Variants in NRXN1 observed in about 807,000 individuals in gnomAD.
NRXN1 encodes neurexin-1.
In NRXN1, 39 loss-of-function variants were observed where a neutral mutation model predicts 150.9. The ratio of observed to expected loss-of-function variants is 0.26; its 90% confidence interval spans 0.20 to 0.34. NRXN1 has a LOEUF of 0.34. Ranked by LOEUF, NRXN1 falls within the 10% of genes least tolerant of loss-of-function variation. The pLI is 1.00. For synonymous variants in NRXN1, 924 were observed against 757.0 expected (o/e 1.22, Z -3.62); for missense variants, 1,815 against 1,949.9 (o/e 0.93, Z 1.30).
chr2:50,012,321 T>G (rs1172109905), intron 21 of NRXN1, among the ~76,000 whole-genome samples: 1 of 152,150 alleles, frequency 6.6e-6, no homozygotes, highest in Non-Finnish European at 1.5e-5. Context: ...CTTGTATGTC[T>G]TTTTAAATCT....
intron 12 of NRXN1, among the ~76,000 whole-genome samples, chr2:50,523,321 A>G (rs574304055): frequency 2.4e-4 from 36 of 152,312 alleles, no homozygotes; most frequent in African/African-American, 7.0e-4. Context: ...GCAGGTGGAT[A>G]GCACCAGTCA....
intron 8 of NRXN1, among the ~76,000 whole-genome samples, chr2:50,586,599 T>A (rs1002687305): frequency 1.3e-5 from 2 of 152,062 alleles, no homozygotes; most frequent in African/African-American, 4.8e-5. Context: ...AAAAGTATTC[T>A]CCCCACAAAA....
At chr2:50,578,707 A>G (rs1400585263) in intron 8 of NRXN1, among the ~76,000 whole-genome samples, 1 of 152,168 alleles carries the variant, frequency 6.6e-6, no homozygotes, top group Non-Finnish European at 1.5e-5. Flanking sequence ...TGTATGTTAT[A>G]ATAAATTAAA....
chr2:50,145,590 G>C (rs1707891058), intron 18 of NRXN1, among the ~76,000 whole-genome samples: 1 of 151,644 alleles, frequency 6.6e-6, no homozygotes, highest in African/African-American at 2.4e-5. Flanking sequence ...TGCTTTTTTA[G>C]GGGAGAAGAA....
At chr2:49,999,988 A>G (rs901536781) in intron 21 of NRXN1, among the ~76,000 whole-genome samples, 1 of 152,198 alleles carries the variant, frequency 6.6e-6, no homozygotes, top group Non-Finnish European at 1.5e-5. Context: ...CAAAAGGTAT[A>G]TTAAATAGAA....
chr2:49,990,053 C>T (rs1404956250), intron 21 of NRXN1, among the ~76,000 whole-genome samples: 1 of 151,352 alleles, frequency 6.6e-6, no homozygotes, highest in Non-Finnish European at 1.5e-5. Context: ...TCCCAGACAA[C>T]AGGGGCTACT....
At chr2:50,101,276 T>C (rs778094728) in intron 18 of NRXN1, among the ~76,000 whole-genome samples, 2 of 152,050 alleles carry the variant, frequency 1.3e-5, no homozygotes, top group Admixed American at 6.6e-5. Context: ...TGAATCCTTG[T>C]CTTTGGACCA....
intron 21 of NRXN1, among the ~76,000 whole-genome samples, chr2:50,039,136 CACTGT>C (rs1252409832): frequency 6.6e-6 from 1 of 152,020 alleles, no homozygotes; most frequent in Non-Finnish European, 1.5e-5. Flanking sequence ...GAGATTGCCC[CACTGT>C]ACTCCAGCCT....
At chr2:50,183,951 C>T (rs371317080) in intron 18 of NRXN1, among the ~76,000 whole-genome samples, 2 of 151,708 alleles carry the variant, frequency 1.3e-5, no homozygotes, top group East Asian at 1.9e-4. Context: ...CTCCTTAGCT[C>T]GAAATTATAG....
At chr2:50,088,132 G>A (rs1035400047) in intron 19 of NRXN1, among the ~76,000 whole-genome samples, 3 of 152,038 alleles carry the variant, frequency 2.0e-5, no homozygotes, top group Non-Finnish European at 2.9e-5. Context: ...ACCACAAACT[G>A]ACATAAAATA....
chr2:50,012,839 T>C (rs1685937496), intron 21 of NRXN1, among the ~76,000 whole-genome samples: 1 of 152,102 alleles, frequency 6.6e-6, no homozygotes, highest in African/African-American at 2.4e-5. Context: ...TTGAGTATTG[T>C]TTTGTATTAT....
chr2:50,218,103 C>A (rs959639646), intron 18 of NRXN1, among the ~76,000 whole-genome samples: 1 of 152,038 alleles, frequency 6.6e-6, no homozygotes, highest in Non-Finnish European at 1.5e-5. Flanking sequence ...TTCTTATATG[C>A]TACTATTATA....
At chr2:50,534,889 T>C (rs906260019) in intron 10 of NRXN1, among the ~76,000 whole-genome samples, 2 of 152,126 alleles carry the variant, frequency 1.3e-5, no homozygotes, top group African/African-American at 4.8e-5. Context: ...CAATGGATCA[T>C]AAATATAGTG....
At chr2:50,892,867 G>A (rs1262101236) in intron 5 of NRXN1, among the ~76,000 whole-genome samples, 1 of 152,116 alleles carries the variant, frequency 6.6e-6, no homozygotes, top group Admixed American at 6.5e-5. Flanking sequence ...TTTAAGGAGT[G>A]CAGTTAATTG....
chr2:50,908,929 G>A (rs1002779985), intron 5 of NRXN1, among the ~76,000 whole-genome samples: 2 of 151,964 alleles, frequency 1.3e-5, no homozygotes, highest in African/African-American at 4.8e-5. Flanking sequence ...CTAGTGCCAT[G>A]CTCTTCGACT....
intron 17 of NRXN1, among the ~76,000 whole-genome samples, chr2:50,272,977 T>C (rs1009657533): frequency 2.0e-4 from 31 of 152,074 alleles, no homozygotes; most frequent in African/African-American, 7.5e-4. Context: ...CAAGTCTGCA[T>C]AGGAAGTTCA....
intron 5 of NRXN1, among the ~76,000 whole-genome samples, chr2:50,795,066 G>A (rs1318214473): frequency 6.6e-6 from 1 of 152,038 alleles, no homozygotes; most frequent in Non-Finnish European, 1.5e-5. Context: ...AAGGAATTTT[G>A]TTAACTACAT....
At chr2:50,725,099 C>T in intron 5 of NRXN1, among the ~76,000 whole-genome samples, 1 of 151,966 alleles carries the variant, frequency 6.6e-6, no homozygotes, top group East Asian at 1.9e-4. Flanking sequence ...ACTGTAAATA[C>T]AAAGCCACCA....
At chr2:50,238,920 T>C (rs1208757333) in intron 17 of NRXN1, among the ~76,000 whole-genome samples, 1 of 152,038 alleles carries the variant, frequency 6.6e-6, no homozygotes, top group African/African-American at 2.4e-5. Flanking sequence ...TACCCTTCTC[T>C]ATTAATTTTG....
Sources: allele counts gnomAD v4.1 joint callset (sites outside exome capture counted in the v4.1 genomes callset), GRCh38; gene constraint gnomAD v4.1.1; transcripts MANE v1.5; gene names NCBI Gene and HGNC (gene_info 2026-07-23, HGNC 2026-07-21).